The following MINK1 variants were observed in gnomAD, a reference collection of about 807,000 sequenced individuals.
MINK1 encodes the protein misshapen-like kinase 1.
MINK1 carries 46 observed loss-of-function variants against 178.4 expected under a neutral mutation model. The ratio of observed to expected loss-of-function variants is 0.26; its 90% CI spans 0.20 to 0.33. The LOEUF is 0.33. Ranked by LOEUF, MINK1 falls within the 10% of genes least tolerant of loss-of-function variation. The probability of loss-of-function intolerance (pLI) is 1.00; values close to 1 mark genes in which losing one functional copy is unlikely to be tolerated. For missense variants in MINK1, 1,366 were observed against 1,814.9 expected (o/e 0.75, Z 4.49); for synonymous variants, 797 against 709.7 (o/e 1.12, Z -1.96).
In MINK1 at chr17:4,894,915, C is replaced by G; in HGVS notation, c.2918-160C>G. 1 of 807,830 alleles carries G rather than the reference C, an allele frequency of 1.2e-6. No homozygotes were observed. The highest frequency in any genetic ancestry group is 1.8e-5 in the South Asian group (1 of 56,264). 50.0% of individuals were successfully genotyped at this position (807,830 alleles called of 1,614,324 possible). ...GAGCCAGACCTTTTGACTCCAAGTCCAGCACTCTATCCCCCTCTCCCATGC... is the reference window on the plus strand; with the variant it reads ...GAGCCAGACCTTTTGACTCCAAGTCGAGCACTCTATCCCCCTCTCCCATGC... On this transcript the variant is annotated intron_variant, in intron 24 of 31. Coordinates refer to ENST00000355280, the MANE Select transcript of MINK1 (RefSeq NM_153827.5). This position sits in a 1 kb window ranked among gnomAD's most constrained non-coding sequence, Gnocchi z 4.1.
intron 4 of MINK1, chr17:4,883,201 A>T (rs1597518847): frequency 6.7e-6 from 1 of 149,968 alleles, no homozygotes; most frequent in Non-Finnish European, 1.5e-5. Context: ...GATCCAAAGC[A>T]GAAGTTCCTT....
At chr17:4,837,707 G>A (rs950834290) in intron 1 of MINK1, among the ~76,000 whole-genome samples, 1 of 152,202 alleles carries the variant, frequency 6.6e-6, no homozygotes, top group East Asian at 1.9e-4. Context: ...GCTCCTTTTG[G>A]TTGACCCACT....
At chr17:4,897,154 A>G in intron 31 of MINK1, 50 bp from the exon 32 acceptor site, 1 of 1,507,708 alleles carries the variant, frequency 6.6e-7, no homozygotes, top group East Asian at 2.3e-5. Context: ...CCCAGTTGAG[A>G]CACCCCCCCA....
At chr17:4,850,524 C>CCCCCCCCCCCT (rs1265013951) in intron 1 of MINK1, among the ~76,000 whole-genome samples, 17 of 150,582 alleles carry the variant, frequency 1.1e-4, no homozygotes, top group Non-Finnish European at 1.0e-4. Flanking sequence ...TGCTGGCCCC[C>CCCCCCCCCCCT]CCCGCCCTCT....
At position 4,895,957 on chromosome 17, in the gene MINK1, G is replaced by C. The variant is rs1969413034; in HGVS notation, c.3365-46G>C. On this transcript the variant is annotated intron_variant, in intron 27 of 31. Transcript: ENST00000355280. The surrounding 1 kb of genome is among the most constrained non-coding windows in gnomAD (Gnocchi z 4.3). Reference sequence around the variant, plus strand: ...GACAGACCACGGGGAGGCGCCCGTGGCGCAAGAAGGGAAGTCTCAGCATCC... The same window carrying C: ...GACAGACCACGGGGAGGCGCCCGTGCCGCAAGAAGGGAAGTCTCAGCATCC... 5.1e-6 allele frequency: 8 copies of C among 1,569,270 alleles called. No homozygotes were observed. The South Asian group carries it at 9.3e-5, about 18-fold the overall frequency.
intron 14 of MINK1, 66 bp from the exon 15 acceptor site, chr17:4,890,885 T>C: frequency 6.5e-7 from 1 of 1,546,164 alleles, no homozygotes; most frequent in East Asian, 2.4e-5. Context: ...TTAGGGCAGG[T>C]GGGACCCTCA....
At position 4,855,505 on chromosome 17, in the gene MINK1, G is replaced by A. The variant is rs183719740; in HGVS notation, c.57+21865G>A. Among the ~76,000 whole-genome samples the A allele has an allele frequency of 3.5e-3, 350 of 100,552 alleles. 3 individuals carry two copies. The highest frequency in any genetic ancestry group is 0.013 in the African/African-American group (331 of 26,338). 66.0% of individuals were successfully genotyped at this position (100,552 alleles called of 152,430 possible). A position where few individuals can be genotyped will look rare whatever the true frequency, so the allele number is the denominator to read the frequency against. On this transcript the variant is annotated intron_variant, in intron 1 of 31. Transcript: ENST00000355280. Reference sequence around the variant, plus strand: ...CATCTCAAAAAAAAAAAAAAAGGCCGGGCACAGTGGCTCATGCCTGTAATC... The same window carrying A: ...CATCTCAAAAAAAAAAAAAAAGGCCAGGCACAGTGGCTCATGCCTGTAATC...
Position 4,890,676 on chromosome 17 carries a change from C to G in MINK1, c.1507C>G (p.Pro503Ala). The change falls in exon 14 of 32, where the codon CCC becomes GCC. Residue 503 changes from proline to alanine, a missense_variant. Pro to Ala is a conservative substitution (Grantham distance 27). Transcript: ENST00000355280. The stretch of plus-strand genomic sequence containing the variant: ...GCAGCTCCTGCCTGGGGACAGGAAG[C>G]CCCTGTACCATTATGGTCGGGGCAT... Reference protein sequence around the residue: ...QQQLLPGDRKPLYHYGRGMNP... With the variant: ...QQQLLPGDRKALYHYGRGMNP... 3.9e-6 allele frequency: 6 copies of G among 1,551,050 alleles called. No homozygotes were observed. Among genetic ancestry groups the G allele is most frequent in the Non-Finnish European group, 5.2e-6 (6 of 1,147,052 alleles).
intron 1 of MINK1, among the ~76,000 whole-genome samples, chr17:4,837,842 C>T (rs1909544835): frequency 6.6e-6 from 1 of 152,198 alleles, no homozygotes; most frequent in East Asian, 1.9e-4. Context: ...TCAAGGAGGA[C>T]TTGTTGCTCG....
At chr17:4,868,243 C>T (rs894929104) in intron 1 of MINK1, among the ~76,000 whole-genome samples, 3 of 152,194 alleles carry the variant, frequency 2.0e-5, no homozygotes, top group Admixed American at 1.3e-4. Context: ...TCCCAAAGTG[C>T]TGGGATTACA....
Position 4,885,126 on chromosome 17 carries a change from C to T in MINK1, c.508+124C>T. On this transcript the variant is annotated intron_variant, in intron 6 of 31. Coordinates refer to ENST00000355280, the MANE Select transcript of MINK1 (RefSeq NM_153827.5). This position sits in a 1 kb window ranked among gnomAD's most constrained non-coding sequence, Gnocchi z 5.0. ...TCCTACTGGGGAGGCTCACTCCCTC[C>T]CCTTTCCCCTCTCCCCCTGGAATGC... is the stretch of plus-strand genomic sequence containing the variant. 1.2e-6 allele frequency: 1 copy of T among 853,396 alleles called. No individual in the cohort carries two copies. Among genetic ancestry groups the T allele is most frequent in the Non-Finnish European group, 1.8e-6 (1 of 542,054 alleles). 52.9% of individuals were successfully genotyped at this position (853,396 alleles called of 1,614,324 possible).
At chr17:4,879,996 T>C (rs1967546362) in intron 2 of MINK1, among the ~76,000 whole-genome samples, 1 of 152,230 alleles carries the variant, frequency 6.6e-6, no homozygotes, top group East Asian at 1.9e-4. Context: ...CTAGCCTCCT[T>C]CTCCTACTGC....
In MINK1 at chr17:4,836,968, T is replaced by C. The variant is rs1909394724; in HGVS notation, c.57+3328T>C. Among the ~76,000 whole-genome samples, 1 of 151,490 alleles carries C rather than the reference T, an allele frequency of 6.6e-6. No homozygotes were observed. Among genetic ancestry groups the C allele is most frequent in the Non-Finnish European group, 1.5e-5 (1 of 67,916 alleles). Reference sequence around the variant, plus strand: ...CGAGGCAGATGGATCACCTGAGAGGTCAGAAGTTCGAGACCAGCCTGGCCA... The same window carrying C: ...CGAGGCAGATGGATCACCTGAGAGGCCAGAAGTTCGAGACCAGCCTGGCCA... On this transcript the variant is annotated intron_variant, in intron 1 of 31. Transcript: ENST00000355280. The surrounding 1 kb of genome is among the most constrained non-coding windows in gnomAD (Gnocchi z 4.3).
At chr17:4,858,905 A>G (rs779888082) in intron 1 of MINK1, among the ~76,000 whole-genome samples, 21 of 152,156 alleles carry the variant, frequency 1.4e-4, no homozygotes, top group Non-Finnish European at 2.5e-4. Flanking sequence ...CCCAGACTAG[A>G]GAGGTCTTCT....
intron 1 of MINK1, among the ~76,000 whole-genome samples, chr17:4,876,924 C>T (rs892974226): frequency 1.3e-5 from 2 of 151,914 alleles, no homozygotes; most frequent in African/African-American, 4.8e-5. Flanking sequence ...CCCGTCTCTA[C>T]TAAAAATAAA....
chr17:4,877,885 A>C (rs1310522944), intron 1 of MINK1, among the ~76,000 whole-genome samples: 9 of 140,442 alleles, frequency 6.4e-5, no homozygotes, highest in Admixed American at 3.1e-4. Flanking sequence ...ATCTCAGCTC[A>C]CTGCAAGCTC....
chr17:4,869,989 G>A (rs1915656823), intron 1 of MINK1, among the ~76,000 whole-genome samples: 1 of 150,144 alleles, frequency 6.7e-6, no homozygotes, highest in Admixed American at 6.7e-5. Flanking sequence ...CTCACTGCAG[G>A]CCCCACCTCC....
intron 2 of MINK1, among the ~76,000 whole-genome samples, chr17:4,878,964 C>T (rs1026116056): frequency 6.6e-6 from 1 of 152,260 alleles, no homozygotes; most frequent in Non-Finnish European, 1.5e-5. Context: ...ACACTGCTCA[C>T]ACTTGGATGG....
Position 4,897,344 on chromosome 17 carries a change from G to C in MINK1, c.*57G>C. On this transcript the variant is annotated 3_prime_UTR_variant, in exon 32 of 32. Transcript: ENST00000355280. Reference sequence around the variant, plus strand: ...GACCCAGCTCTCCCCCTGCAGCCAGGCTTCCCGGGCCGCCCCTCTTTCCCC... The same window carrying C: ...GACCCAGCTCTCCCCCTGCAGCCAGCCTTCCCGGGCCGCCCCTCTTTCCCC... 1 of 1,532,258 alleles carries C rather than the reference G, an allele frequency of 6.5e-7. No homozygotes were observed. The allele number at this position is 1,532,258 out of a possible 1,614,324, so 94.9% of individuals were successfully genotyped here. A position where few individuals can be genotyped will look rare whatever the true frequency, so the allele number is the denominator to read the frequency against.
Sources: allele counts gnomAD v4.1 joint callset (sites outside exome capture counted in the v4.1 genomes callset), GRCh38; gene constraint gnomAD v4.1.1; non-coding constraint Gnocchi (gnomAD v3.1); transcripts MANE v1.5; gene names NCBI Gene and HGNC (gene_info 2026-07-23, HGNC 2026-07-21).